The following RASGRF2 variants were observed in gnomAD, a reference collection of about 807,000 sequenced individuals.
RASGRF2 encodes the protein ras-specific guanine nucleotide-releasing factor 2.
A neutral mutation model predicts 151.0 loss-of-function variants in RASGRF2; 76 were observed. That is an observed-to-expected ratio of 0.50 (90% CI 0.42 to 0.61). The LOEUF (loss-of-function observed/expected upper bound fraction) is 0.61. RASGRF2 is among the 20% of genes least tolerant of loss of function. RASGRF2 has a pLI of 0.00. For missense variants in RASGRF2, 1,148 were observed against 1,564.6 expected (o/e 0.73, Z 4.49); for synonymous variants, 504 against 566.5 (o/e 0.89, Z 1.57).
At chr5:81,046,273 G>T (rs1304587167) in intron 2 of RASGRF2, among the ~76,000 whole-genome samples, 1 of 151,956 alleles carries the variant, frequency 6.6e-6, no homozygotes, top group Non-Finnish European at 1.5e-5. Flanking sequence ...ACATTGTTCT[G>T]TTGGCTTTCG....
chr5:81,162,405 T>C (rs1029839240), intron 17 of RASGRF2, among the ~76,000 whole-genome samples: 16 of 152,160 alleles, frequency 1.1e-4, no homozygotes, highest in African/African-American at 3.9e-4. Flanking sequence ...TAGAGTGCAA[T>C]GGTACGATCT....
intron 21 of RASGRF2, among the ~76,000 whole-genome samples, chr5:81,207,804 C>A (rs576400311): frequency 6.8e-4 from 104 of 152,306 alleles, no homozygotes; most frequent in African/African-American, 2.4e-3. Context: ...CTAAAAGGAG[C>A]GCTTTTCAGC....
At chr5:81,054,064 A>G (rs1751115460) in intron 2 of RASGRF2, among the ~76,000 whole-genome samples, 1 of 152,132 alleles carries the variant, frequency 6.6e-6, no homozygotes, top group Non-Finnish European at 1.5e-5. Context: ...ATTTTCTCCC[A>G]TTCTGTAGAT....
intron 9 of RASGRF2, among the ~76,000 whole-genome samples, chr5:81,089,844 G>A (rs1022313661): frequency 2.6e-5 from 4 of 152,160 alleles, no homozygotes; most frequent in African/African-American, 9.6e-5. Context: ...AAAGCACCTA[G>A]ACTAGTACCT....
intron 26 of RASGRF2, among the ~76,000 whole-genome samples, chr5:81,224,385 A>G (rs1755926985): frequency 6.6e-6 from 1 of 152,238 alleles, no homozygotes; most frequent in Non-Finnish European, 1.5e-5. Flanking sequence ...TCATCATTTA[A>G]AATTAAAAAT....
intron 1 of RASGRF2, among the ~76,000 whole-genome samples, chr5:80,973,355 C>A (rs1267142411): frequency 1.3e-5 from 2 of 152,206 alleles, no homozygotes; most frequent in Non-Finnish European, 2.9e-5. Flanking sequence ...CCCTCATCCT[C>A]CTGTGATCTG....
intron 21 of RASGRF2, 144 bp from the exon 22 acceptor site, chr5:81,208,210 G>T: frequency 1.7e-6 from 1 of 604,446 alleles, no homozygotes; most frequent in South Asian, 2.3e-5. Flanking sequence ...AAATTCACTT[G>T]TGAGGCTGGC....
chr5:81,193,181 T>A (rs1286933537), intron 18 of RASGRF2, among the ~76,000 whole-genome samples: 1 of 152,158 alleles, frequency 6.6e-6, no homozygotes, highest in Admixed American at 6.5e-5. Context: ...TGTCCTAGAG[T>A]TCCCTTGGCC....
chr5:81,132,396 G>T (rs1359220511), intron 17 of RASGRF2, among the ~76,000 whole-genome samples: 2 of 152,188 alleles, frequency 1.3e-5, no homozygotes, highest in Non-Finnish European at 2.9e-5. Flanking sequence ...CAAGGTAAAA[G>T]AGTTTTGTCT....
intron 17 of RASGRF2, among the ~76,000 whole-genome samples, chr5:81,173,270 T>G (rs1036018209): frequency 1.3e-5 from 2 of 151,900 alleles, no homozygotes; most frequent in South Asian, 4.2e-4. Context: ...CCCAGCTACT[T>G]GAGAGGCTGA....
intron 5 of RASGRF2, among the ~76,000 whole-genome samples, chr5:81,075,787 A>G (rs1410942331): frequency 6.6e-6 from 1 of 152,166 alleles, no homozygotes; most frequent in African/African-American, 2.4e-5. Context: ...ATTTGTTTGG[A>G]GTTCAGAGGA....
At chr5:81,126,537 A>G (rs1258144575) in intron 16 of RASGRF2, among the ~76,000 whole-genome samples, 2 of 152,030 alleles carry the variant, frequency 1.3e-5, no homozygotes, top group East Asian at 1.9e-4. Flanking sequence ...GCCATTCTAT[A>G]CTCATTAGCG....
At chr5:81,200,884 T>C (rs1755372629) in intron 18 of RASGRF2, among the ~76,000 whole-genome samples, 1 of 152,038 alleles carries the variant, frequency 6.6e-6, no homozygotes, top group Non-Finnish European at 1.5e-5. Context: ...GAAGCACATA[T>C]CTCTTGAGGA....
chr5:81,192,758 C>A (rs766012133), intron 18 of RASGRF2, among the ~76,000 whole-genome samples: 5 of 152,162 alleles, frequency 3.3e-5, no homozygotes, highest in Non-Finnish European at 7.3e-5. Context: ...CCTGTGTACC[C>A]CAGACCTGTC....
rs566128798 is a variant in RASGRF2, at chr5:81,136,125, T to C, written c.2686+8962T>C. ...CCTCCTGGGTTCAGGCAATTCTGCC[T>C]GCCTCAGCCTCCCGACTATTATTAC... On this transcript the variant is annotated intron_variant, in intron 17 of 26. Transcript: ENST00000265080. 5.9e-5 allele frequency among the ~76,000 whole-genome samples: 9 copies of C among 152,340 alleles called. No individual in the cohort carries two copies. In the East Asian group the frequency reaches 1.7e-3, roughly 29 times the overall value.
intron 1 of RASGRF2, among the ~76,000 whole-genome samples, chr5:81,030,383 T>C (rs557231709): frequency 6.6e-6 from 1 of 152,240 alleles, no homozygotes; most frequent in African/African-American, 2.4e-5. Flanking sequence ...GGAAAAAATA[T>C]TGAGGGCAGC....
At chr5:81,142,947 T>C (rs1753918772) in intron 17 of RASGRF2, among the ~76,000 whole-genome samples, 2 of 152,060 alleles carry the variant, frequency 1.3e-5, no homozygotes, top group Admixed American at 6.5e-5. Flanking sequence ...CTGTAGTAAA[T>C]TGCTCTCAGG....
intron 12 of RASGRF2, among the ~76,000 whole-genome samples, chr5:81,104,754 A>G (rs1333455759): frequency 1.3e-5 from 2 of 152,160 alleles, no homozygotes; most frequent in Non-Finnish European, 2.9e-5. Flanking sequence ...GCCTTTCCAG[A>G]TCCTGGAAAA....
At chr5:81,200,353 G>A (rs567704696) in intron 18 of RASGRF2, among the ~76,000 whole-genome samples, 11 of 148,484 alleles carry the variant, frequency 7.4e-5, no homozygotes, top group Middle Eastern at 7.2e-3. Flanking sequence ...CATCAATATC[G>A]ATAGGGACTT....
Sources: allele counts gnomAD v4.1 joint callset (sites outside exome capture counted in the v4.1 genomes callset), GRCh38; gene constraint gnomAD v4.1.1; transcripts MANE v1.5; gene names NCBI Gene and HGNC (gene_info 2026-07-23, HGNC 2026-07-21).